The following PARD3B variants were observed in gnomAD, a reference collection of about 807,000 sequenced individuals.
The protein encoded by PARD3B is partitioning defective 3 homolog B.
PARD3B carries 103 observed loss-of-function variants against 130.2 expected under a neutral mutation model. The ratio of observed to expected loss-of-function variants is 0.79; its 90% confidence interval spans 0.67 to 0.93. The LOEUF (loss-of-function observed/expected upper bound fraction) is 0.93. Among genes scored for constraint, PARD3B ranks in the 40% least tolerant of loss-of-function variants. PARD3B has a pLI of 0.00. For missense variants in PARD3B, 1,609 were observed against 1,499.2 expected (o/e 1.07, Z -1.21); for synonymous variants, 583 against 553.2 (o/e 1.05, Z -0.76).
At chr2:205,302,741 G>T (rs900647924) in intron 18 of PARD3B, among the ~76,000 whole-genome samples, 3 of 152,206 alleles carry the variant, frequency 2.0e-5, no homozygotes, top group Non-Finnish European at 2.9e-5. Flanking sequence ...AGGCACTGTG[G>T]TACAGGGGAG....
intron 3 of PARD3B, among the ~76,000 whole-genome samples, chr2:204,998,943 A>C (rs1694593180): frequency 6.6e-6 from 1 of 152,090 alleles, no homozygotes; most frequent in African/African-American, 2.4e-5. Context: ...TGATCTCCTG[A>C]CTTCGTGATC....
At chr2:205,593,901 T>A (rs1164576023) in intron 22 of PARD3B, among the ~76,000 whole-genome samples, 8 of 152,244 alleles carry the variant, frequency 5.3e-5, no homozygotes. Flanking sequence ...CATGGATTCA[T>A]TTTATCCCAA....
chr2:205,045,166 T>C (rs1698687858), intron 3 of PARD3B, among the ~76,000 whole-genome samples: 1 of 150,958 alleles, frequency 6.6e-6, no homozygotes, highest in South Asian at 2.1e-4. Context: ...CAAAACTGAA[T>C]TGTCATCTTC....
intron 16 of PARD3B, among the ~76,000 whole-genome samples, chr2:205,272,762 C>T (rs1190843127): frequency 6.6e-6 from 1 of 152,086 alleles, no homozygotes; most frequent in Non-Finnish European, 1.5e-5. Context: ...TAATTCTGTC[C>T]CTTTTATTTG....
At chr2:205,355,674 A>G (rs953133620) in intron 18 of PARD3B, among the ~76,000 whole-genome samples, 8 of 152,314 alleles carry the variant, frequency 5.3e-5, no homozygotes, top group African/African-American at 1.9e-4. Flanking sequence ...TGCATATTAT[A>G]TTAGTCAATT....
Position 205,351,859 on chromosome 2 carries a change from C to G in PARD3B, c.2631-49154C>G, listed in dbSNP as rs1290717179. Among the ~76,000 whole-genome samples, 1 of 151,900 alleles carries G rather than the reference C, an allele frequency of 6.6e-6. No homozygotes were observed. Among genetic ancestry groups the G allele is most frequent in the African/African-American group, 2.4e-5 (1 of 41,362 alleles). On this transcript the variant is annotated intron_variant, in intron 18 of 22. Coordinates refer to ENST00000406610, the MANE Select transcript of PARD3B (RefSeq NM_001302769.2). The surrounding 1 kb of genome is among the most constrained non-coding windows in gnomAD (Gnocchi z 4.2). The stretch of plus-strand genomic sequence containing the variant: ...AGACTTTGCTTAAAGAGGTACGTGA[C>G]AGCTTCTGAGGGATCTGTTTGTATA...
At chr2:204,871,240 G>A (rs2045618968) in intron 2 of PARD3B, among the ~76,000 whole-genome samples, 1 of 152,070 alleles carries the variant, frequency 6.6e-6, no homozygotes, top group African/African-American at 2.4e-5. Context: ...TTCATGAATT[G>A]TAATTCTCTT....
chr2:205,069,920 G>A lies in PARD3B; in HGVS notation c.504+22230G>A, dbSNP rs532084938. Among the ~76,000 whole-genome samples the A allele has an allele frequency of 4.6e-5, 7 of 152,186 alleles. No individual in the cohort carries two copies. In the East Asian group the frequency reaches 1.4e-3, roughly 30 times the overall value. ...TCTTGTTTAATCCCCCACTATCAAGGCTACTCTTATGCTCATCCTATGAAA... is the reference window on the plus strand; with the variant it reads ...TCTTGTTTAATCCCCCACTATCAAGACTACTCTTATGCTCATCCTATGAAA... On this transcript the variant is annotated intron_variant, in intron 4 of 22. Coordinates refer to ENST00000406610, the MANE Select transcript of PARD3B (RefSeq NM_001302769.2).
intron 2 of PARD3B, among the ~76,000 whole-genome samples, chr2:204,771,534 G>C (rs1038136793): frequency 6.6e-6 from 1 of 152,068 alleles, no homozygotes. Context: ...CAGGGAAGGA[G>C]GGGGGCAAGG....
chr2:205,582,794 T>C (rs2054039771), intron 22 of PARD3B, among the ~76,000 whole-genome samples: 1 of 151,964 alleles, frequency 6.6e-6, no homozygotes, highest in African/African-American at 2.4e-5. Flanking sequence ...GTGACACTTA[T>C]AGGGAAGTGG....
chr2:204,676,557 C>T (rs138262932), intron 1 of PARD3B, among the ~76,000 whole-genome samples: 5 of 152,056 alleles, frequency 3.3e-5, no homozygotes, highest in East Asian at 1.9e-4. Flanking sequence ...AGAAGTTCCA[C>T]GTCTTATCCT....
In PARD3B at chr2:205,330,130, C is replaced by T. The variant is rs548393084; in HGVS notation, c.2630+28429C>T. On this transcript the variant is annotated intron_variant, in intron 18 of 22. Transcript: ENST00000406610. The stretch of plus-strand genomic sequence containing the variant: ...CTGAGGCGGGTGGATCACCTGTGGT[C>T]AGGAGTTCGAGACCAGCCTGACCAA... 3.3e-3 allele frequency among the ~76,000 whole-genome samples: 503 copies of T among 151,994 alleles called. 1 individual carries two copies. The highest frequency in any genetic ancestry group is 0.012 in the African/African-American group (488 of 41,456).
chr2:204,721,874 A>C (rs962065936), intron 2 of PARD3B, among the ~76,000 whole-genome samples: 11 of 152,072 alleles, frequency 7.2e-5, no homozygotes, highest in Non-Finnish European at 1.5e-4. Context: ...CACTTTTAAC[A>C]GTGATTTTGT....
chr2:204,904,258 C>G (rs1247034140), intron 2 of PARD3B, among the ~76,000 whole-genome samples: 1 of 152,154 alleles, frequency 6.6e-6, no homozygotes, highest in Non-Finnish European at 1.5e-5. Flanking sequence ...AGCTTCATCA[C>G]TGTTCAACAT....
At chr2:205,296,908 T>C (rs919482924) in intron 16 of PARD3B, among the ~76,000 whole-genome samples, 2 of 152,006 alleles carry the variant, frequency 1.3e-5, no homozygotes, top group African/African-American at 4.8e-5. Context: ...ATTTTTTTAA[T>C]GAGGCCACAA....
intron 20 of PARD3B, among the ~76,000 whole-genome samples, chr2:205,467,403 A>G (rs2048665502): frequency 6.6e-6 from 1 of 152,218 alleles, no homozygotes; most frequent in South Asian, 2.1e-4. Flanking sequence ...GTGTCACAAC[A>G]GTGGGGCTGT....
At chr2:205,478,413 G>A (rs2049103450) in intron 20 of PARD3B, among the ~76,000 whole-genome samples, 1 of 152,138 alleles carries the variant, frequency 6.6e-6, no homozygotes, top group Admixed American at 6.5e-5. Context: ...ACATTGAGTG[G>A]GTTTTCATGG....
chr2:205,236,109 AT>A (rs2039050492), intron 15 of PARD3B, among the ~76,000 whole-genome samples: 1 of 152,252 alleles, frequency 6.6e-6, no homozygotes, highest in African/African-American at 2.4e-5. Context: ...ATGGACAAAG[AT>A]TTTGAAAGAT....
At chr2:205,062,058 C>T (rs77191301) in intron 4 of PARD3B, among the ~76,000 whole-genome samples, 9,701 of 152,000 alleles carry the variant, frequency 0.064, 339 homozygotes, top group Middle Eastern at 0.18. Flanking sequence ...ATTTGCTAGT[C>T]CTGCTGCCTT....
Sources: gnomAD v4.1 joint callset for allele counts (sites outside exome capture counted in the v4.1 genomes callset) on GRCh38, gnomAD v4.1.1 for gene constraint, Gnocchi (gnomAD v3.1) non-coding constraint, MANE v1.5 for transcripts, NCBI Gene and HGNC (gene_info 2026-07-23, HGNC 2026-07-21) for gene names.